The following RAPGEFL1 variants were observed in gnomAD, a reference collection of about 807,000 sequenced individuals.
RAPGEFL1 encodes Rap guanine nucleotide exchange factor like 1.
Under a neutral mutation model 64.4 loss-of-function variants are expected in RAPGEFL1, and 31 were observed. That is an observed-to-expected ratio of 0.48 (90% CI 0.36 to 0.65). The LOEUF (loss-of-function observed/expected upper bound fraction) is 0.65, where lower values mean the gene tolerates loss of function less well. Ranked by LOEUF, RAPGEFL1 falls within the 30% of genes least tolerant of loss-of-function variation. RAPGEFL1 has a pLI of 0.00. For missense variants in RAPGEFL1, 682 were observed against 677.4 expected (o/e 1.01, Z -0.08); for synonymous variants, 331 against 274.1 (o/e 1.21, Z -2.05).
At chr17:40,181,095 C>A (rs1366065907) in intron 1 of RAPGEFL1, 1 of 339,374 alleles carries the variant, frequency 2.9e-6, no homozygotes, top group Non-Finnish European at 5.9e-6. Flanking sequence ...GTTCTGGGAT[C>A]AAAGTGATGG....
At chr17:40,190,933 GA>G (rs1444887316) in intron 8 of RAPGEFL1, 171 bp downstream of exon 8, 2 of 1,017,012 alleles carry the variant, frequency 2.0e-6, no homozygotes, top group African/African-American at 1.6e-5. Context: ...CAAAGAGAGA[GA>G]CCCCAGAGCA....
chr17:40,182,929 C>G (rs1015078694), intron 2 of RAPGEFL1, among the ~76,000 whole-genome samples: 1 of 152,132 alleles, frequency 6.6e-6, no homozygotes, highest in African/African-American at 2.4e-5. Flanking sequence ...GGGTGGATCA[C>G]TTGAGGGCAG....
Position 40,190,455 on chromosome 17 carries a change from C to T in RAPGEFL1, c.1136C>T (p.Thr379Ile), listed in dbSNP as rs766218276. Residue 379 changes from threonine (T) to isoleucine (I), a missense_variant, in exon 7 of 15, where the codon ACT (threonine) becomes ATT (isoleucine). Thr to Ile is a moderately conservative substitution (Grantham distance 89). Around this residue, in one of 2 missense-constraint regions of RAPGEFL1, gnomAD observed 411 missense variants for 519.4 expected, o/e 0.79. Coordinates refer to ENST00000620260, the MANE Select transcript of RAPGEFL1 (RefSeq NM_016339.6). ...GCAGAGAAGGTCCTTCTCCAGCCCA[C>T]TGAGGACTGTGTTTTCACCGCACTG... ...SSGEKVLLQP[T>I]EDCVFTALGI... The T allele has an allele frequency of 3.2e-5, 51 of 1,614,040 alleles. No individual in the cohort carries two copies. Among genetic ancestry groups the T allele is most frequent in the Non-Finnish European group, 4.2e-5 (49 of 1,180,040 alleles).
Position 40,178,327 on chromosome 17 carries a change from A to G in RAPGEFL1, c.466A>G (p.Asn156Asp). 1.7e-6 allele frequency: 1 copy of G among 590,244 alleles called. No homozygotes were observed. The highest frequency in any genetic ancestry group is 2.9e-5 in the Admixed American group (1 of 34,174). The allele number at this position is 590,244 out of a possible 1,614,324, so 36.6% of individuals were successfully genotyped here. A position where few individuals can be genotyped will look rare whatever the true frequency, so the allele number is the denominator to read the frequency against. ...CCCCGAGCGGCCCGAGCATCTTCTG[A>G]ACCGGGTTCTGGAGCGGCTTGCTGG... is the stretch of plus-strand genomic sequence containing the variant. ...GAPERPEHLL[N>D]RVLERLAGGA... Residue 156 changes from asparagine (N) to aspartate (D), a missense_variant, in exon 1 of 15, where the codon AAC becomes GAC. Asn to Asp is a conservative substitution (Grantham distance 23). Coordinates refer to ENST00000620260, the MANE Select transcript of RAPGEFL1 (RefSeq NM_016339.6).
Position 40,191,514 on chromosome 17 carries a change from G to T in RAPGEFL1, c.1514+20G>T. 1 of 1,588,236 alleles carries T rather than the reference G, an allele frequency of 6.3e-7. No homozygotes were observed. Among genetic ancestry groups the T allele is most frequent in the African/African-American group, 1.3e-5 (1 of 74,312 alleles). ...GGCCCTGTGAGTGCGGCCGTCGGCG[G>T]GATGGGGGGCCGGAGGCCGGAGGCC... On this transcript the variant is annotated intron_variant, in intron 9 of 14. Coordinates refer to ENST00000620260, the MANE Select transcript of RAPGEFL1 (RefSeq NM_016339.6). This position sits in a 1 kb window ranked among gnomAD's most constrained non-coding sequence, Gnocchi z 5.1.
chr17:40,188,784 T>C lies in RAPGEFL1; in HGVS notation c.834-82T>C, dbSNP rs1990161196. 4 of 1,105,620 alleles carry C rather than the reference T, an allele frequency of 3.6e-6. No individual in the cohort carries two copies. The Admixed American group carries it at 5.2e-5, about 14-fold the overall frequency. The allele number at this position is 1,105,620 out of a possible 1,614,324, so 68.5% of individuals were successfully genotyped here. ...GTGCATCCTTGACCCAATTCTGATA[T>C]TCTTGCTTGATGTTGCCTGCTTGGT... On this transcript the variant is annotated intron_variant, in intron 4 of 14. Transcript: ENST00000620260.
intron 4 of RAPGEFL1, among the ~76,000 whole-genome samples, chr17:40,187,637 G>A (rs1416789799): frequency 6.6e-6 from 1 of 151,474 alleles, no homozygotes; most frequent in African/African-American, 2.4e-5. Flanking sequence ...TTGAGACAGA[G>A]CCTGGCTCTG....
intron 1 of RAPGEFL1, among the ~76,000 whole-genome samples, chr17:40,178,773 T>G (rs1598436901): frequency 1.3e-5 from 2 of 152,346 alleles, no homozygotes; most frequent in East Asian, 3.9e-4. Flanking sequence ...CCAGAGGTGC[T>G]TTAGCCCTGA....
chr17:40,187,756 G>A (rs1028969234), intron 4 of RAPGEFL1, among the ~76,000 whole-genome samples: 6 of 151,516 alleles, frequency 4.0e-5, no homozygotes, highest in Non-Finnish European at 5.9e-5. Context: ...GACTACAGGC[G>A]CCTGCCACCA....
Position 40,184,365 on chromosome 17 carries a change from G to A in RAPGEFL1, c.735+16G>A, listed in dbSNP as rs1989995125. 1.3e-6 allele frequency: 2 copies of A among 1,597,572 alleles called. No individual in the cohort carries two copies. The highest frequency in any genetic ancestry group is 1.4e-5 in the African/African-American group (1 of 74,020). ...CATCATCAAGGTGGGCCTGGGGGAA[G>A]AGAAGGTGGGTAAACAGGCTATTAG... On this transcript the variant is annotated intron_variant, in intron 3 of 14. Transcript: ENST00000620260.
intron 4 of RAPGEFL1, among the ~76,000 whole-genome samples, chr17:40,188,234 G>A (rs1207312261): frequency 6.6e-6 from 1 of 151,944 alleles, no homozygotes; most frequent in African/African-American, 2.4e-5. Context: ...TTCTCTTCCT[G>A]CTTTCCTCCA....
At chr17:40,188,728 T>G in intron 4 of RAPGEFL1, 138 bp from the exon 5 acceptor site, 1 of 681,414 alleles carries the variant, frequency 1.5e-6, no homozygotes, top group Non-Finnish European at 2.7e-6. Context: ...TCCTCTCTTC[T>G]GACCCCCTTA....
chr17:40,188,745 T>G, intron 4 of RAPGEFL1, 121 bp from the exon 5 acceptor site: 1 of 747,618 alleles, frequency 1.3e-6, no homozygotes, highest in East Asian at 2.6e-5. Context: ...CTTAACCACC[T>G]GAAATTGCTG....
At chr17:40,181,593 G>C (rs1262357587) in intron 1 of RAPGEFL1, 23 bp from the exon 2 acceptor site, 1 of 702,372 alleles carries the variant, frequency 1.4e-6, no homozygotes, top group Admixed American at 2.0e-5. Context: ...CCTGACATCT[G>C]TGGTGCCCAC....
Position 40,195,503 on chromosome 17 carries a change from C to A in RAPGEFL1, c.*1715C>A, listed in dbSNP as rs1990430006. ...CTGGCCCAGTCTTGGCTGCTGCTTA[C>A]CCCTAGCCTTGATGCCTGCCCAGGG... On this transcript the variant is annotated 3_prime_UTR_variant, in exon 15 of 15. Coordinates refer to ENST00000620260, the MANE Select transcript of RAPGEFL1 (RefSeq NM_016339.6). The A allele has an allele frequency of 6.5e-6, 1 of 153,090 alleles. No homozygotes were observed. The highest frequency in any genetic ancestry group is 1.5e-5 in the Non-Finnish European group (1 of 68,372). The allele number at this position is 153,090 out of a possible 1,614,324, so 9.5% of individuals were successfully genotyped here. A position where few individuals can be genotyped will look rare whatever the true frequency, so the allele number is the denominator to read the frequency against.
chr17:40,190,379 A>G, intron 6 of RAPGEFL1, 55 bp from the exon 7 acceptor site: 1 of 1,474,010 alleles, frequency 6.8e-7, no homozygotes, highest in Non-Finnish European at 9.5e-7. Flanking sequence ...TCAGTGTGGG[A>G]TGTGTGAGGG....
intron 4 of RAPGEFL1, among the ~76,000 whole-genome samples, chr17:40,186,209 G>A (rs1410522226): frequency 3.3e-5 from 5 of 150,906 alleles, no homozygotes; most frequent in Non-Finnish European, 5.9e-5. Context: ...AGGAGGCAGA[G>A]GTTGTAGTGA....
chr17:40,192,413 A>G lies in RAPGEFL1; in HGVS notation c.1656+150A>G, dbSNP rs1990307035. 3 of 1,064,364 alleles carry G rather than the reference A, an allele frequency of 2.8e-6. No homozygotes were observed. In the South Asian group the frequency reaches 4.2e-5, roughly 15 times the overall value. 65.9% of individuals were successfully genotyped at this position (1,064,364 alleles called of 1,614,324 possible). A position where few individuals can be genotyped will look rare whatever the true frequency, so the allele number is the denominator to read the frequency against. The stretch of plus-strand genomic sequence containing the variant: ...TACCATGCTGGAGGGTGAGGTTGGA[A>G]GGATTGCGCCCCTGTTTTTCTTGAA... On this transcript the variant is annotated intron_variant, in intron 11 of 14. Coordinates refer to ENST00000620260, the MANE Select transcript of RAPGEFL1 (RefSeq NM_016339.6).
Position 40,184,306 on chromosome 17 carries a change from A to G in RAPGEFL1, c.692A>G (p.Gln231Arg). 6.2e-7 allele frequency: 1 copy of G among 1,613,672 alleles called. No homozygotes were observed. The highest frequency in any genetic ancestry group is 8.5e-7 in the Non-Finnish European group (1 of 1,179,884). ...CTTCTCCATTTCTTGGACACCTACC[A>G]GGGGCTGCTTCAAGAGGAAGAGGGG... ...AMLLHFLDTY[Q>R]GLLQEEEGAG... Residue 231 changes from glutamine (Q) to arginine (R), a missense_variant, in exon 3 of 15, where the codon CAG becomes CGG. Coordinates refer to ENST00000620260, the MANE Select transcript of RAPGEFL1 (RefSeq NM_016339.6).
Sources: gnomAD v4.1 joint callset for allele counts (sites outside exome capture counted in the v4.1 genomes callset) on GRCh38, gnomAD v4.1.1 for gene constraint, gnomAD v4.1.1 regional missense constraint, Gnocchi (gnomAD v3.1) non-coding constraint, MANE v1.5 for transcripts, NCBI Gene and HGNC (gene_info 2026-07-23, HGNC 2026-07-21) for gene names.